Variants in LIPK observed in about 807,000 individuals in gnomAD.
LIPK encodes lipase family member K, also known as lipase member K.
Under a neutral mutation model 48.6 loss-of-function variants are expected in LIPK, and 32 were observed. The observed-to-expected ratio is 0.66, with a 90% confidence interval of 0.50 to 0.88. The LOEUF (loss-of-function observed/expected upper bound fraction) is 0.88, where lower values mean the gene tolerates loss of function less well. Ranked by LOEUF, LIPK falls within the 40% of genes least tolerant of loss-of-function variation. The probability of loss-of-function intolerance (pLI) is 0.00; values close to 1 mark genes in which losing one functional copy is unlikely to be tolerated. For missense variants in LIPK, 507 were observed against 478.5 expected (o/e 1.06, Z -0.56); for synonymous variants, 164 against 157.4 (o/e 1.04, Z -0.32).
intron 1 of LIPK, among the ~76,000 whole-genome samples, chr10:88,723,241 G>A (rs568044933): frequency 5.9e-5 from 9 of 151,942 alleles, no homozygotes; most frequent in Admixed American, 2.6e-4. Context: ...ATATATGTCC[G>A]GCACATTATT....
chr10:88,718,178 A>G (rs1042348180), intron 1 of LIPK, among the ~76,000 whole-genome samples: 4 of 151,378 alleles, frequency 2.6e-5, no homozygotes, highest in African/African-American at 9.7e-5. Flanking sequence ...AAAAGATGAA[A>G]CAAAAAATGT....
At chr10:88,723,392 T>C (rs12260830) in intron 1 of LIPK, among the ~76,000 whole-genome samples, 1 of 152,208 alleles carries the variant, frequency 6.6e-6, no homozygotes, top group Non-Finnish European at 1.5e-5. Flanking sequence ...TTAATTTATA[T>C]GTCAATATAT....
chr10:88,733,518 C>T (rs1454067979), intron 6 of LIPK, among the ~76,000 whole-genome samples: 1 of 152,156 alleles, frequency 6.6e-6, no homozygotes, highest in Non-Finnish European at 1.5e-5. Flanking sequence ...ATCTATACAT[C>T]CCAGAAAGAC....
intron 3 of LIPK, among the ~76,000 whole-genome samples, chr10:88,729,260 G>GGGGT: frequency 7.4e-6 from 1 of 135,990 alleles, no homozygotes; most frequent in Non-Finnish European, 1.6e-5. Context: ...GTTGGGGGGG[G>GGGGT]GGGGCGGGGG....
intron 1 of LIPK, among the ~76,000 whole-genome samples, chr10:88,716,333 A>T (rs773243619): frequency 1.4e-4 from 21 of 151,334 alleles, no homozygotes; most frequent in Non-Finnish European, 2.8e-4. Context: ...AGTTTGAGGA[A>T]ATCAGAGAAT....
In LIPK at chr10:88,740,045, A is replaced by G. The variant is rs768201202; in HGVS notation, c.866A>G (p.Gln289Arg). The G allele has an allele frequency of 3.7e-6, 6 of 1,612,584 alleles. No individual in the cohort carries two copies. The highest frequency in any genetic ancestry group is 1.6e-4 in the Middle Eastern group (1 of 6,080). Reference protein sequence around the residue: ...LSHNPAGTSVQNMLHWAQAVN... With the variant: ...LSHNPAGTSVRNMLHWAQAVN... Reference sequence around the variant, plus strand: ...CACAATCCTGCGGGAACATCTGTTCAGAATATGCTGCACTGGGCTCAGGTA... The same window carrying G: ...CACAATCCTGCGGGAACATCTGTTCGGAATATGCTGCACTGGGCTCAGGTA... The change falls in exon 8 of 10, where the codon CAG (glutamine) becomes CGG (arginine). Residue 289 changes from glutamine (Q) to arginine (R), a missense_variant. By Grantham distance (43) the Gln-to-Arg change is conservative. Coordinates refer to ENST00000404190, the MANE Select transcript of LIPK (RefSeq NM_001080518.2).
At chr10:88,715,263 T>C (rs1842094786) in intron 1 of LIPK, among the ~76,000 whole-genome samples, 2 of 152,146 alleles carry the variant, frequency 1.3e-5, no homozygotes, top group Non-Finnish European at 2.9e-5. Context: ...AACTGAATAA[T>C]TACCTGTATC....
At chr10:88,746,572 A>T (rs950281481) in intron 9 of LIPK, among the ~76,000 whole-genome samples, 1 of 152,204 alleles carries the variant, frequency 6.6e-6, no homozygotes, top group African/African-American at 2.4e-5. Context: ...GAAACTAATG[A>T]AAACAAAGAT....
intron 1 of LIPK, among the ~76,000 whole-genome samples, chr10:88,722,237 G>A (rs1354758195): frequency 6.6e-6 from 1 of 152,188 alleles, no homozygotes; most frequent in African/African-American, 2.4e-5. Flanking sequence ...AGATGTTGCA[G>A]TGAGCCGGGG....
chr10:88,742,971 T>G (rs539407832), intron 8 of LIPK, among the ~76,000 whole-genome samples: 3 of 152,346 alleles, frequency 2.0e-5, no homozygotes, highest in South Asian at 4.1e-4. Context: ...AAAATATTTC[T>G]GTGTGTAACA....
chr10:88,744,368 C>T (rs411713), intron 9 of LIPK, among the ~76,000 whole-genome samples: 33,493 of 152,226 alleles, frequency 0.22, 3,865 homozygotes, highest in East Asian at 0.37. Flanking sequence ...ACCACCACCA[C>T]GATGAAGTGC....
intron 1 of LIPK, among the ~76,000 whole-genome samples, chr10:88,714,419 A>G (rs1842078959): frequency 6.6e-6 from 1 of 152,190 alleles, no homozygotes; most frequent in Admixed American, 6.5e-5. Flanking sequence ...TCAGGGACAC[A>G]TGAACAACTT....
At position 88,713,645 on chromosome 10, in the gene LIPK, T is replaced by C. The variant is rs185748024; in HGVS notation, c.-12+7325T>C. The stretch of plus-strand genomic sequence containing the variant: ...TTTCTATGTGCATCACCACACCATG[T>C]AAAAATAAATTTAGGCTGGGCGTGG... On this transcript the variant is annotated intron_variant, in intron 1 of 9. Transcript: ENST00000404190. Among the ~76,000 whole-genome samples, 23 of 152,292 alleles carry C rather than the reference T, an allele frequency of 1.5e-4. No homozygotes were observed. The East Asian group carries it at 1.9e-3, about 13-fold the overall frequency.
At chr10:88,712,202 T>G (rs1564972153) in intron 1 of LIPK, among the ~76,000 whole-genome samples, 1 of 152,212 alleles carries the variant, frequency 6.6e-6, no homozygotes, top group African/African-American at 2.4e-5. Flanking sequence ...CTCAATGTAT[T>G]TCTCATTATT....
rs186678771 is a variant in LIPK, at chr10:88,747,869, A to G, written c.960+4548A>G. ...CATGGCTATTCCTCAAGGATCTAGAATCAAAAATACCATTTGACCCAGCAA... is the reference window on the plus strand; with the variant it reads ...CATGGCTATTCCTCAAGGATCTAGAGTCAAAAATACCATTTGACCCAGCAA... On this transcript the variant is annotated intron_variant, in intron 9 of 9. Transcript: ENST00000404190. Among the ~76,000 whole-genome samples, 15 of 152,344 alleles carry G rather than the reference A, an allele frequency of 9.8e-5. No homozygotes were observed. The East Asian group carries it at 2.9e-3, about 29-fold the overall frequency.
intron 9 of LIPK, among the ~76,000 whole-genome samples, chr10:88,747,533 T>C (rs1051778415): frequency 2.6e-5 from 4 of 152,036 alleles, no homozygotes; most frequent in African/African-American, 9.7e-5. Flanking sequence ...ATTATCTCAA[T>C]AGACACAGAA....
Position 88,719,401 on chromosome 10 carries a change from T to A in LIPK, c.-11-5132T>A, listed in dbSNP as rs571402835. Among the ~76,000 whole-genome samples the A allele has an allele frequency of 4.6e-5, 7 of 152,202 alleles. No homozygotes were observed. In the South Asian group the frequency reaches 1.2e-3, roughly 27 times the overall value. On this transcript the variant is annotated intron_variant, in intron 1 of 9. Transcript: ENST00000404190. ...CTTCACTGGGAAGCTAGTGATGGAG[T>A]TGAGACACAGGAGCTGTGGCTCATA...
At position 88,743,232 on chromosome 10, in the gene LIPK, G is replaced by T. The variant is rs1407190737; in HGVS notation, c.889-18G>T. ...CACTATTTTCTTATATTATTTTAAC[G>T]TGCTTATTTTATTTTAGGCTGTTAA... On this transcript the variant is annotated intron_variant, in intron 8 of 9. Transcript: ENST00000404190. The T allele has an allele frequency of 1.3e-6, 2 of 1,537,332 alleles. No homozygotes were observed. Among genetic ancestry groups the T allele is most frequent in the African/African-American group, 1.4e-5 (1 of 72,968 alleles).
chr10:88,720,592 A>G (rs1478778221), intron 1 of LIPK, among the ~76,000 whole-genome samples: 2 of 152,188 alleles, frequency 1.3e-5, no homozygotes, highest in Non-Finnish European at 2.9e-5. Context: ...GCAGGACTAT[A>G]GTGAACCTTA....
Sources: gnomAD v4.1 joint callset for allele counts (sites outside exome capture counted in the v4.1 genomes callset) on GRCh38, gnomAD v4.1.1 for gene constraint, MANE v1.5 for transcripts, NCBI Gene and HGNC (gene_info 2026-07-23, HGNC 2026-07-21) for gene names.